LGI1: variants seen among roughly 807,000 people sequenced by gnomAD.
LGI1 encodes leucine-rich glioma-inactivated protein 1.
Under a neutral mutation model 57.7 loss-of-function variants are expected in LGI1, and 11 were observed. The observed-to-expected ratio is 0.19, with a 90% CI of 0.12 to 0.32. LGI1 has a LOEUF of 0.32. LGI1 is among the 10% of genes least tolerant of loss of function. The pLI, the probability that LGI1 is intolerant of heterozygous loss-of-function variation, is 1.00. For missense variants in LGI1, 422 were observed against 661.9 expected (o/e 0.64, Z 3.98); for synonymous variants, 222 against 241.9 (o/e 0.92, Z 0.76).
At chr10:93,781,237 T>C (rs1310385014) in intron 4 of LGI1, among the ~76,000 whole-genome samples, 4 of 151,964 alleles carry the variant, frequency 2.6e-5, no homozygotes, top group African/African-American at 4.8e-5. Context: ...TGGGCGCCTG[T>C]AGTCCCAGCT....
At chr10:93,776,624 T>C (rs995508726) in intron 2 of LGI1, among the ~76,000 whole-genome samples, 1 of 152,210 alleles carries the variant, frequency 6.6e-6, no homozygotes, top group East Asian at 1.9e-4. Context: ...ATATAATATA[T>C]TCTTGTACTG....
intron 2 of LGI1, chr10:93,771,276 A>C (rs1284302470): frequency 6.6e-6 from 1 of 152,242 alleles, no homozygotes; most frequent in African/African-American, 2.4e-5. Flanking sequence ...TGAAGAGTTA[A>C]ATATTAAAAA....
intron 4 of LGI1, chr10:93,778,947 G>A (rs1023314173): frequency 2.0e-5 from 3 of 152,144 alleles, no homozygotes; most frequent in Non-Finnish European, 4.4e-5. Context: ...CTAATAGCCA[G>A]ATATATTTTA....
chr10:93,792,670 T>C (rs2059946722), intron 5 of LGI1, 73 bp from the exon 6 acceptor site: 1 of 1,455,944 alleles, frequency 6.9e-7, no homozygotes, highest in African/African-American at 1.4e-5. Flanking sequence ...CACATGTTAA[T>C]TGTTGATGTA....
intron 4 of LGI1, chr10:93,788,623 T>C (rs10882335): frequency 0.81 from 123,295 of 152,176 alleles, 54,250 homozygotes; most frequent in Non-Finnish European, 0.97. Flanking sequence ...AATTGGACCG[T>C]CATTGACAAT....
chr10:93,788,311 C>T (rs2059907371), intron 4 of LGI1: 1 of 152,286 alleles, frequency 6.6e-6, no homozygotes, highest in African/African-American at 2.4e-5. Flanking sequence ...TGTGGACAGC[C>T]ATAGCAGTTC....
chr10:93,797,414 A>G lies in LGI1; in HGVS notation c.1285A>G (p.Met429Val), dbSNP rs147473519. Residue 429 changes from methionine to valine, a missense_variant, in exon 8 of 8, where the codon ATG becomes GTG. This residue lies in a region of LGI1 where 301 missense variants were observed against 461.7 expected (regional missense o/e 0.65). Transcript: ENST00000371418. The surrounding 1 kb of genome is among the most constrained non-coding windows in gnomAD (Gnocchi z 6.5). ...LFTNQTDIPN[M>V]EDVYAVKHFS... ...CACTAACCAAACTGACATTCCTAACATGGAGGATGTGTACGCAGTGAAGCA... is the reference window on the plus strand; with the variant it reads ...CACTAACCAAACTGACATTCCTAACGTGGAGGATGTGTACGCAGTGAAGCA... 2.5e-6 allele frequency: 4 copies of G among 1,614,048 alleles called. No individual in the cohort carries two copies. The African/African-American group carries it at 4.0e-5, about 16-fold the overall frequency.
chr10:93,781,185 C>T (rs542869099), intron 4 of LGI1, among the ~76,000 whole-genome samples: 1 of 151,702 alleles, frequency 6.6e-6, no homozygotes, highest in South Asian at 2.1e-4. Flanking sequence ...GGTGAAACCC[C>T]ATCTCTACTA....
chr10:93,793,239 T>C lies in LGI1; in HGVS notation c.727T>C (p.Ser243Pro). 1 of 1,613,546 alleles carries C rather than the reference T, an allele frequency of 6.2e-7. No homozygotes were observed. The highest frequency in any genetic ancestry group is 8.5e-7 in the Non-Finnish European group (1 of 1,179,616). ...PYQSLSIDTFSYLNDEYVVIA... is the reference protein window; with the variant it reads ...PYQSLSIDTFPYLNDEYVVIA... ...TCAATCATTGTCCATAGACACTTTT[T>C]CTTATTTGAATGATGAGTATGTAGT... The change falls in exon 7 of 8, where the codon TCT (serine) becomes CCT (proline). Residue 243 changes from serine to proline, a missense_variant. By Grantham distance (74) the Ser-to-Pro change is moderately conservative. This residue lies in a region of LGI1 where 301 missense variants were observed against 461.7 expected (regional missense o/e 0.65). Transcript: ENST00000371418.
At chr10:93,767,405 G>C (rs2059690493) in intron 2 of LGI1, 1 of 152,102 alleles carries the variant, frequency 6.6e-6, no homozygotes, top group Admixed American at 6.5e-5. Flanking sequence ...TCCCTGCTTG[G>C]TTATTTACAA....
chr10:93,770,771 T>A (rs2059728218), intron 2 of LGI1: 1 of 152,048 alleles, frequency 6.6e-6, no homozygotes, highest in South Asian at 2.1e-4. Flanking sequence ...ATATTAATAA[T>A]GAAATTATGA....
intron 2 of LGI1, chr10:93,776,134 G>A (rs2059791518): frequency 6.6e-6 from 1 of 152,092 alleles, no homozygotes; most frequent in South Asian, 2.1e-4. Flanking sequence ...AATTACTTGG[G>A]TACAAATCCA....
chr10:93,777,477 T>C, intron 3 of LGI1, 27 bp downstream of exon 3: 1 of 1,610,954 alleles, frequency 6.2e-7, no homozygotes, highest in Non-Finnish European at 8.5e-7. Context: ...TTTTAAAACA[T>C]GATGATTCAG....
chr10:93,764,033 C>T (rs908188954), intron 2 of LGI1: 16 of 152,124 alleles, frequency 1.1e-4, no homozygotes, highest in African/African-American at 3.9e-4. Flanking sequence ...TGTATAGTTG[C>T]AAGCAGCAAC....
chr10:93,795,619 T>C (rs2059973900), intron 7 of LGI1, among the ~76,000 whole-genome samples: 1 of 152,174 alleles, frequency 6.6e-6, no homozygotes, highest in African/African-American at 2.4e-5. Context: ...TCAGTCATTA[T>C]CCCTTCCTTC....
At chr10:93,793,806 G>C (rs1469360775) in intron 7 of LGI1, 3 of 162,842 alleles carry the variant, frequency 1.8e-5, no homozygotes, top group African/African-American at 7.2e-5. Context: ...TTACACAAAC[G>C]TGTCTTCTAC....
At chr10:93,762,215 T>A (rs1301944769) in intron 2 of LGI1, among the ~76,000 whole-genome samples, 2 of 151,876 alleles carry the variant, frequency 1.3e-5, no homozygotes, top group African/African-American at 4.8e-5. Context: ...CCAGAAAAAA[T>A]TTCTTAGTAT....
intron 2 of LGI1, chr10:93,769,343 G>A (rs937244798): frequency 4.6e-5 from 7 of 152,156 alleles, no homozygotes; most frequent in African/African-American, 1.7e-4. Context: ...TCACTTGGGA[G>A]TGTGCACACT....
At chr10:93,763,279 G>A (rs897141150) in intron 2 of LGI1, 1 of 136,586 alleles carries the variant, frequency 7.3e-6, no homozygotes. Context: ...TACACACACA[G>A]ACACACACAC....
Sources: allele counts gnomAD v4.1 joint callset (sites outside exome capture counted in the v4.1 genomes callset), GRCh38; gene constraint gnomAD v4.1.1; regional missense constraint gnomAD v4.1.1; non-coding constraint Gnocchi (gnomAD v3.1); transcripts MANE v1.5; gene names NCBI Gene and HGNC (gene_info 2026-07-23, HGNC 2026-07-21).